The following CLEC12A variants were observed in gnomAD, a reference collection of about 807,000 sequenced individuals.
CLEC12A encodes the protein C-type lectin domain family 12 member A, also known as C-type lectin protein CLL-1.
A neutral mutation model predicts 26.5 loss-of-function variants in CLEC12A; 22 were observed. The observed-to-expected ratio is 0.83, with a 90% CI of 0.59 to 1.19. CLEC12A has a LOEUF of 1.19. Ranked by LOEUF, CLEC12A falls within the 50% of genes most tolerant of loss-of-function variation. CLEC12A has a pLI of 0.00. For missense variants in CLEC12A, 353 were observed against 315.6 expected (o/e 1.12, Z -0.90); for synonymous variants, 119 against 101.9 (o/e 1.17, Z -1.01).
chr12:9,987,278 T>A (rs1238442399), downstream of CLEC12A, among the ~76,000 whole-genome samples: 7 of 152,212 alleles, frequency 4.6e-5, no homozygotes, highest in Non-Finnish European at 1.0e-4. Context: ...TGTAAATCAT[T>A]TTTATTTTTT....
chr12:9,964,402 G>A (rs1346867171), intron 1 of CLEC12A, among the ~76,000 whole-genome samples: 1 of 152,188 alleles, frequency 6.6e-6, no homozygotes, highest in Non-Finnish European at 1.5e-5. Context: ...AAACAGCTAG[G>A]AGAGAATGAG....
chr12:9,990,812 T>C (rs1398060272), intron 4 of CLEC12A: 8 of 152,180 alleles, frequency 5.3e-5, no homozygotes, highest in African/African-American at 1.4e-4. Context: ...ACTTCACCAT[T>C]GTCTTATTTT....
intron 4 of CLEC12A, among the ~76,000 whole-genome samples, chr12:9,994,096 A>G (rs1305708768): frequency 6.6e-6 from 1 of 152,116 alleles, no homozygotes; most frequent in East Asian, 1.9e-4. Flanking sequence ...AGGGAGGCTA[A>G]TTTAGTTTGG....
At chr12:9,968,468 G>T (rs1362478816), upstream of CLEC12A, among the ~76,000 whole-genome samples, 2 of 152,004 alleles carry the variant, frequency 1.3e-5, no homozygotes, top group South Asian at 2.1e-4. Context: ...CAGGAGTGGG[G>T]GTAACAAGGT....
chr12:9,983,861 C>A, intron 5 of CLEC12A: 1 of 258,824 alleles, frequency 3.9e-6, no homozygotes. Flanking sequence ...AAGCTATCTA[C>A]AAATGGAGTG....
At chr12:9,975,660 G>T (rs990946050) in intron 1 of CLEC12A, among the ~76,000 whole-genome samples, 1 of 152,212 alleles carries the variant, frequency 6.6e-6, no homozygotes, top group African/African-American at 2.4e-5. Context: ...CCCATTTTCT[G>T]AGGAGAAATT....
At chr12:9,993,969 T>C (rs1287815172) in intron 4 of CLEC12A, among the ~76,000 whole-genome samples, 1 of 152,088 alleles carries the variant, frequency 6.6e-6, no homozygotes, top group African/African-American at 2.4e-5. Context: ...TGGGGAACTT[T>C]CATTTAAGTG....
chr12:9,968,396 G>GT (rs1232039222), upstream of CLEC12A, among the ~76,000 whole-genome samples: 2 of 151,956 alleles, frequency 1.3e-5, no homozygotes, highest in African/African-American at 4.8e-5. Context: ...GGGTGGGGCT[G>GT]TTTTATAAGA....
intron 1 of CLEC12A, among the ~76,000 whole-genome samples, chr12:9,964,625 G>A (rs1397830152): frequency 6.6e-6 from 1 of 152,162 alleles, no homozygotes; most frequent in Non-Finnish European, 1.5e-5. Context: ...AGCTTGATGT[G>A]TAGGGAAAGG....
the CLEC12A span, among the ~76,000 whole-genome samples, chr12:10,005,067 G>A: frequency 0.38 from 57,569 of 151,722 alleles, 11,252 homozygotes; most frequent in African/African-American, 0.42. Flanking sequence ...ATCTACTATT[G>A]TACTTTCCAA....
At chr12:9,995,991 C>T (rs1865036072), downstream of CLEC12A, among the ~76,000 whole-genome samples, 1 of 152,096 alleles carries the variant, frequency 6.6e-6, no homozygotes, top group Admixed American at 6.6e-5. Context: ...ATCAATCAAT[C>T]TATGGGTAAC....
chr12:9,993,406 C>A (rs76006079), intron 4 of CLEC12A: 1,041 of 509,008 alleles, frequency 2.0e-3, no homozygotes, highest in Non-Finnish European at 2.3e-3. Context: ...GAAAAAAAAA[C>A]AAAAAAAAAA....
At chr12:9,999,351 T>C (rs1865127584), downstream of CLEC12A, 1 of 342,722 alleles carries the variant, frequency 2.9e-6, no homozygotes, top group Admixed American at 4.7e-5. Flanking sequence ...AAGGAGTAGA[T>C]AAGGTATTTG....
chr12:9,997,259 G>A (rs763278564), downstream of CLEC12A: 2 of 1,612,368 alleles, frequency 1.2e-6, no homozygotes, highest in Non-Finnish European at 8.5e-7. Context: ...TCACCTTGTA[G>A]GTAATTGCGC....
downstream of CLEC12A, among the ~76,000 whole-genome samples, chr12:9,996,143 G>T (rs1330363343): frequency 2.0e-5 from 3 of 152,134 alleles, no homozygotes; most frequent in Admixed American, 6.5e-5. Flanking sequence ...AGGAGATATT[G>T]TGTGAAAGTC....
At chr12:10,005,380 T>A in the CLEC12A span, among the ~76,000 whole-genome samples, 1 of 152,234 alleles carries the variant, frequency 6.6e-6, no homozygotes, top group African/African-American at 2.4e-5. Flanking sequence ...TCATGAGGAT[T>A]GGTTTGTTTA....
At chr12:9,995,333 C>T (rs1591849601) in exon 5 of CLEC12A, 1 of 1,113,214 alleles carries the variant, frequency 9.0e-7, no homozygotes, top group African/African-American at 1.5e-5. Context: ...AGACGTTGGA[C>T]AAAAAATGTT....
At chr12:9,983,695 C>T in intron 5 of CLEC12A, 1 of 527,748 alleles carries the variant, frequency 1.9e-6, no homozygotes, top group Middle Eastern at 4.9e-4. Context: ...CCTGCATACT[C>T]ATCACATTGG....
chr12:9,961,251 T>C (rs1591812392), intron 1 of CLEC12A, among the ~76,000 whole-genome samples: 2 of 152,320 alleles, frequency 1.3e-5, no homozygotes, highest in East Asian at 3.9e-4. Context: ...CTGAGAGATA[T>C]AATGAAGCGT....
Sources: gnomAD v4.1 joint callset for allele counts (sites outside exome capture counted in the v4.1 genomes callset) on GRCh38, gnomAD v4.1.1 for gene constraint, MANE v1.5 for transcripts, NCBI Gene and HGNC (gene_info 2026-07-23, HGNC 2026-07-21) for gene names.